Variants in GALNT10 observed in about 807,000 individuals in gnomAD.
The protein encoded by GALNT10 is GalNAc transferase 10.
In GALNT10, 41 loss-of-function variants were observed where a neutral mutation model predicts 75.0. That is an observed-to-expected ratio of 0.55 (90% CI 0.43 to 0.71). The LOEUF is 0.71. Among genes scored for constraint, GALNT10 ranks in the 30% least tolerant of loss-of-function variants. GALNT10 has a pLI of 0.00. For missense variants in GALNT10, 727 were observed against 818.5 expected (o/e 0.89, Z 1.36); for synonymous variants, 302 against 313.0 (o/e 0.96, Z 0.37).
At chr5:154,268,378 A>G (rs1447532705) in intron 1 of GALNT10, among the ~76,000 whole-genome samples, 1 of 152,128 alleles carries the variant, frequency 6.6e-6, no homozygotes, top group Non-Finnish European at 1.5e-5. Context: ...GGCTAAAGAG[A>G]CTCAGCCAAA....
intron 1 of GALNT10, among the ~76,000 whole-genome samples, chr5:154,270,589 A>G (rs891429714): frequency 6.6e-6 from 1 of 152,052 alleles, no homozygotes; most frequent in East Asian, 1.9e-4. Flanking sequence ...ACGCTTTCCT[A>G]TGCATGTTGC....
intron 3 of GALNT10, among the ~76,000 whole-genome samples, chr5:154,317,577 A>G (rs1273454892): frequency 6.6e-6 from 1 of 152,160 alleles, no homozygotes; most frequent in Non-Finnish European, 1.5e-5. Flanking sequence ...CCTATAGCAG[A>G]CAGAACCTGC....
intron 3 of GALNT10, among the ~76,000 whole-genome samples, chr5:154,300,126 G>A (rs187667518): frequency 6.6e-4 from 101 of 152,228 alleles, no homozygotes; most frequent in African/African-American, 2.3e-3. Context: ...GTGAGCCACC[G>A]TGCCTGGCCA....
In GALNT10 at chr5:154,376,860, T is replaced by C. The variant is rs1255740565; in HGVS notation, c.754+398T>C. 1.3e-5 allele frequency among the ~76,000 whole-genome samples: 2 copies of C among 152,188 alleles called. No homozygotes were observed. Among genetic ancestry groups the C allele is most frequent in the East Asian group, 3.9e-4 (2 of 5,192 alleles). On this transcript the variant is annotated intron_variant, in intron 5 of 11. Coordinates refer to ENST00000297107, the MANE Select transcript of GALNT10 (RefSeq NM_198321.4). The surrounding 1 kb of genome is among the most constrained non-coding windows in gnomAD (Gnocchi z 4.1). ...GAGTTACCATAGACTGTGCTGCCAC[T>C]GTGAGCCAGGCAGTTATAAGCATTA... is the stretch of plus-strand genomic sequence containing the variant.
chr5:154,278,297 T>C (rs2113049501), intron 1 of GALNT10, among the ~76,000 whole-genome samples: 1 of 152,346 alleles, frequency 6.6e-6, no homozygotes, highest in Non-Finnish European at 1.5e-5. Context: ...GTCTGTGAGC[T>C]TCCTAGGGTA....
At chr5:154,344,363 C>T (rs1343980197) in intron 4 of GALNT10, among the ~76,000 whole-genome samples, 1 of 151,988 alleles carries the variant, frequency 6.6e-6, no homozygotes, top group Non-Finnish European at 1.5e-5. Flanking sequence ...AGGCGCGCAC[C>T]ACCATGCCCG....
chr5:154,208,327 A>G (rs1775141212), intron 1 of GALNT10, among the ~76,000 whole-genome samples: 1 of 152,076 alleles, frequency 6.6e-6, no homozygotes, highest in South Asian at 2.1e-4. Flanking sequence ...TGAAGGATTC[A>G]CGTTAGCCTT....
At chr5:154,396,364 A>G (rs573712972) in intron 7 of GALNT10, among the ~76,000 whole-genome samples, 1 of 152,152 alleles carries the variant, frequency 6.6e-6, no homozygotes, top group African/African-American at 2.4e-5. Context: ...GGGTATGGAG[A>G]GGGTAGGAGG....
intron 1 of GALNT10, among the ~76,000 whole-genome samples, chr5:154,207,809 G>A (rs922516405): frequency 1.3e-5 from 2 of 152,214 alleles, no homozygotes; most frequent in Non-Finnish European, 2.9e-5. Context: ...CAGGAGTGGG[G>A]CTGGGAGAGG....
In GALNT10 at chr5:154,376,134, T is replaced by G; in HGVS notation, c.569-143T>G. The G allele has an allele frequency of 1.5e-6, 1 of 668,308 alleles. No individual in the cohort carries two copies. The highest frequency in any genetic ancestry group is 2.7e-5 in the East Asian group (1 of 36,616). 41.4% of individuals were successfully genotyped at this position (668,308 alleles called of 1,614,324 possible). On this transcript the variant is annotated intron_variant, in intron 4 of 11. Transcript: ENST00000297107. The surrounding 1 kb of genome is among the most constrained non-coding windows in gnomAD (Gnocchi z 4.1). ...CAGGTGATGAGAACACTGCCCTTCTTCTCCCTGTCTGAAAGGTCTAGTGAG... is the reference window on the plus strand; with the variant it reads ...CAGGTGATGAGAACACTGCCCTTCTGCTCCCTGTCTGAAAGGTCTAGTGAG...
chr5:154,361,058 C>T (rs1755379024), intron 4 of GALNT10, among the ~76,000 whole-genome samples: 1 of 152,008 alleles, frequency 6.6e-6, no homozygotes, highest in Admixed American at 6.6e-5. Context: ...TCTTAATTCC[C>T]TGTGTACTCA....
intron 1 of GALNT10, among the ~76,000 whole-genome samples, chr5:154,229,402 G>C (rs1051118383): frequency 1.3e-5 from 2 of 152,154 alleles, no homozygotes; most frequent in Non-Finnish European, 2.9e-5. Context: ...ATGATTATTT[G>C]TATGACTATT....
At chr5:154,194,466 A>T (rs893927320) in intron 1 of GALNT10, among the ~76,000 whole-genome samples, 2 of 152,148 alleles carry the variant, frequency 1.3e-5, no homozygotes, top group African/African-American at 4.8e-5. Context: ...ATCTGATGCC[A>T]CTAGGGAAGG....
chr5:154,410,616 G>A (rs538479227), intron 9 of GALNT10, among the ~76,000 whole-genome samples: 2 of 152,244 alleles, frequency 1.3e-5, no homozygotes, highest in African/African-American at 4.8e-5. Context: ...TGGCTAACAC[G>A]GGGCAGTAAC....
chr5:154,392,733 G>C (rs1206933755), intron 7 of GALNT10: 1 of 152,190 alleles, frequency 6.6e-6, no homozygotes, highest in Non-Finnish European at 1.5e-5. Context: ...AGATACGGGA[G>C]ACAGAAAGTA....
At chr5:154,408,401 G>C (rs1003316220) in intron 8 of GALNT10, among the ~76,000 whole-genome samples, 1 of 152,158 alleles carries the variant, frequency 6.6e-6, no homozygotes, top group African/African-American at 2.4e-5. Context: ...AAATTGGGGT[G>C]GGGGGACAAC....
At chr5:154,321,849 C>G (rs1311090555) in intron 3 of GALNT10, among the ~76,000 whole-genome samples, 2 of 152,114 alleles carry the variant, frequency 1.3e-5, no homozygotes, top group Non-Finnish European at 2.9e-5. Context: ...TCACCTCCAG[C>G]CCATTGCTGT....
Position 154,298,162 on chromosome 5 carries a change from T to C in GALNT10, c.401+83T>C, listed in dbSNP as rs868753861. ...AGAATTAATTAAGGAAGCAGGTACATGGAGCCCTGCTGACGGAGACACCCT... is the reference window on the plus strand; with the variant it reads ...AGAATTAATTAAGGAAGCAGGTACACGGAGCCCTGCTGACGGAGACACCCT... On this transcript the variant is annotated intron_variant, in intron 3 of 11. Transcript: ENST00000297107. This position sits in a 1 kb window ranked among gnomAD's most constrained non-coding sequence, Gnocchi z 4.1. The C allele has an allele frequency of 2.5e-5, 32 of 1,274,776 alleles. No individual in the cohort carries two copies. Among genetic ancestry groups the C allele is most frequent in the Middle Eastern group, 2.4e-4 (1 of 4,192 alleles). The allele number at this position is 1,274,776 out of a possible 1,614,324, so 79.0% of individuals were successfully genotyped here.
intron 1 of GALNT10, among the ~76,000 whole-genome samples, chr5:154,192,288 A>G (rs1235492653): frequency 6.6e-6 from 1 of 152,262 alleles, no homozygotes; most frequent in Non-Finnish European, 1.5e-5. Flanking sequence ...TAATTGCTGC[A>G]AAGCATCCCA....
Sources: allele counts gnomAD v4.1 joint callset (sites outside exome capture counted in the v4.1 genomes callset), GRCh38; gene constraint gnomAD v4.1.1; non-coding constraint Gnocchi (gnomAD v3.1); transcripts MANE v1.5; gene names NCBI Gene and HGNC (gene_info 2026-07-23, HGNC 2026-07-21).